Variants in CYP2J2 observed in about 807,000 individuals in gnomAD.
CYP2J2 encodes the protein cytochrome P450 2J2.
A neutral mutation model predicts 48.8 loss-of-function variants in CYP2J2; 41 were observed. The ratio of observed to expected loss-of-function variants is 0.84; its 90% CI spans 0.66 to 1.09. The LOEUF (loss-of-function observed/expected upper bound fraction) is 1.09. Ranked by LOEUF, CYP2J2 falls within the 50% of genes least tolerant of loss-of-function variation. The pLI, the probability that CYP2J2 is intolerant of heterozygous loss-of-function variation, is 0.00. For missense variants in CYP2J2, 644 were observed against 617.3 expected, an observed-to-expected ratio of 1.04 and a Z score of -0.46; for synonymous variants, 221 against 227.1, an observed-to-expected ratio of 0.97 and a Z score of 0.24.
At chr1:59,954,588 C>T in the CYP2J2 span, among the ~76,000 whole-genome samples, 3 of 144,920 alleles carry the variant, frequency 2.1e-5, no homozygotes, top group East Asian at 2.0e-4. Context: ...CTTGGTGGGT[C>T]GGGGGGGGAT....
chr1:59,910,470 GTA>G (rs11572268), intron 4 of CYP2J2, among the ~76,000 whole-genome samples: 33,170 of 151,976 alleles, frequency 0.22, 3,668 homozygotes, highest in African/African-American at 0.25. Context: ...TCACTGATGA[GTA>G]TACACAGTGA....
the CYP2J2 span, among the ~76,000 whole-genome samples, chr1:59,965,523 G>A: frequency 6.6e-6 from 1 of 152,212 alleles, no homozygotes; most frequent in Admixed American, 6.5e-5. Context: ...CAAAGTTGAC[G>A]ACATGGACTT....
chr1:59,901,475 T>C (rs1380571931), intron 7 of CYP2J2, among the ~76,000 whole-genome samples: 1 of 152,174 alleles, frequency 6.6e-6, no homozygotes, highest in Non-Finnish European at 1.5e-5. Flanking sequence ...GCCCAGCTGC[T>C]CAGTGAAGCT....
chr1:59,908,076 A>G, intron 5 of CYP2J2, 149 bp from the exon 6 acceptor site: 2 of 698,670 alleles, frequency 2.9e-6, no homozygotes, highest in Non-Finnish European at 4.9e-6. Flanking sequence ...CAGAAGGCAG[A>G]CTCTTATTAC....
intron 7 of CYP2J2, among the ~76,000 whole-genome samples, chr1:59,902,525 C>CCAT (rs1644329557): frequency 3.9e-5 from 6 of 152,130 alleles, no homozygotes; most frequent in African/African-American, 1.4e-4. Context: ...AAGCAATTCT[C>CCAT]CTGCCTCAGC....
Position 59,907,803 on chromosome 1 carries a change from A to T in CYP2J2, c.986T>A (p.Leu329His). The T allele has an allele frequency of 1.2e-6, 2 of 1,613,914 alleles. No homozygotes were observed. The highest frequency in any genetic ancestry group is 1.7e-6 in the Non-Finnish European group (2 of 1,179,900). Residue 329 changes from leucine (L) to histidine (H), a missense_variant, in exon 6 of 9, where the codon CTC becomes CAC. Coordinates refer to ENST00000371204, the MANE Select transcript of CYP2J2 (RefSeq NM_000775.4). Reference protein sequence around the residue: ...TLRWALLYMALYPEIQEKVQA... With the variant: ...TLRWALLYMAHYPEIQEKVQA... ...ATGCTCACCTTGGATTTCTGGGTAG[A>T]GGGCCATATAAAGCAGAGCCCATCG... is the stretch of plus-strand genomic sequence containing the variant.
the CYP2J2 span, among the ~76,000 whole-genome samples, chr1:59,942,818 A>G: frequency 0.027 from 4,160 of 152,252 alleles, 208 homozygotes; most frequent in African/African-American, 0.096. Flanking sequence ...GTAATAAAAA[A>G]TAATGATAAT....
the CYP2J2 span, among the ~76,000 whole-genome samples, chr1:59,958,879 T>C: frequency 6.6e-6 from 1 of 152,154 alleles, no homozygotes; most frequent in African/African-American, 2.4e-5. Flanking sequence ...CATTCTCCTT[T>C]CTAGTTTCTC....
At chr1:59,936,864 G>C in the CYP2J2 span, among the ~76,000 whole-genome samples, 3 of 151,964 alleles carry the variant, frequency 2.0e-5, no homozygotes, top group Non-Finnish European at 4.4e-5. Context: ...CTAACTTTAG[G>C]AATAAATGTT....
At chr1:59,958,208 A>C in the CYP2J2 span, among the ~76,000 whole-genome samples, 2 of 152,194 alleles carry the variant, frequency 1.3e-5, no homozygotes, top group Non-Finnish European at 2.9e-5. Flanking sequence ...CTGCATTCTT[A>C]GATCTTCCCA....
chr1:59,951,410 A>G, the CYP2J2 span, among the ~76,000 whole-genome samples: 1 of 152,084 alleles, frequency 6.6e-6, no homozygotes, highest in Admixed American at 6.5e-5. Flanking sequence ...CATTTCTCTT[A>G]AGGTTCTTCA....
At chr1:59,966,564 T>G in the CYP2J2 span, among the ~76,000 whole-genome samples, 2 of 152,314 alleles carry the variant, frequency 1.3e-5, no homozygotes, top group Non-Finnish European at 2.9e-5. Flanking sequence ...TGTTTTTGCC[T>G]AATGCAACAT....
chr1:59,906,004 G>A (rs1644361684), intron 6 of CYP2J2, among the ~76,000 whole-genome samples: 1 of 152,114 alleles, frequency 6.6e-6, no homozygotes, highest in South Asian at 2.1e-4. Context: ...GGCTAACACG[G>A]TGAAATCCCA....
chr1:59,942,857 T>C, the CYP2J2 span, among the ~76,000 whole-genome samples: 112 of 152,360 alleles, frequency 7.4e-4, 1 homozygote, highest in East Asian at 0.016. Context: ...GAACCTACTA[T>C]GTGCTGGGCA....
chr1:59,912,541 C>T, intron 2 of CYP2J2: 2 of 435,046 alleles, frequency 4.6e-6, no homozygotes, highest in Admixed American at 7.9e-5. Flanking sequence ...TAATTTAGTA[C>T]TCATAGAAAC....
At chr1:59,930,251 T>C (rs769002927), upstream of CYP2J2, among the ~76,000 whole-genome samples, 3 of 152,190 alleles carry the variant, frequency 2.0e-5, no homozygotes, top group Non-Finnish European at 4.4e-5. Context: ...CTTTCAATTC[T>C]TTTGGGTGTG....
At chr1:59,947,156 ATTTTT>A in the CYP2J2 span, among the ~76,000 whole-genome samples, 2 of 150,920 alleles carry the variant, frequency 1.3e-5, no homozygotes, top group South Asian at 2.1e-4. Flanking sequence ...CTTGAGACTT[ATTTTT>A]TTTTGTCTAC....
intron 8 of CYP2J2, among the ~76,000 whole-genome samples, chr1:59,899,644 T>C (rs1244273625): frequency 6.6e-6 from 1 of 152,268 alleles, no homozygotes; most frequent in Non-Finnish European, 1.5e-5. Flanking sequence ...ACTTTAGTTT[T>C]TGATTAATCT....
intron 8 of CYP2J2, among the ~76,000 whole-genome samples, chr1:59,898,171 T>C (rs1210225044): frequency 6.6e-6 from 1 of 152,202 alleles, no homozygotes; most frequent in East Asian, 1.9e-4. Flanking sequence ...GCTCTTCCCA[T>C]CAAAAATTGT....
Sources: allele counts gnomAD v4.1 joint callset (sites outside exome capture counted in the v4.1 genomes callset), GRCh38; gene constraint gnomAD v4.1.1; transcripts MANE v1.5; gene names NCBI Gene and HGNC (gene_info 2026-07-23, HGNC 2026-07-21).